PEX5L: variants seen among roughly 807,000 people sequenced by gnomAD.
PEX5L encodes the protein peroxisomal biogenesis factor 5 like.
In PEX5L, 30 loss-of-function variants were observed where a neutral mutation model predicts 84.0. The observed-to-expected ratio is 0.36, with a 90% CI of 0.27 to 0.48. The LOEUF is 0.48. PEX5L is among the 20% of genes least tolerant of loss of function. The pLI, the probability that PEX5L is intolerant of heterozygous loss-of-function variation, is 0.99. For missense variants in PEX5L, 533 were observed against 754.6 expected, an observed-to-expected ratio of 0.71 and a Z score of 3.44; for synonymous variants, 270 against 283.1, an observed-to-expected ratio of 0.95 and a Z score of 0.46.
chr3:179,913,925 T>A (rs1290642127), intron 2 of PEX5L, among the ~76,000 whole-genome samples: 1 of 152,228 alleles, frequency 6.6e-6, no homozygotes, highest in Non-Finnish European at 1.5e-5. Flanking sequence ...AACATTTTTA[T>A]CTCTTTCTCC....
At chr3:180,001,303 A>G (rs1225137773) in intron 1 of PEX5L, among the ~76,000 whole-genome samples, 1 of 149,500 alleles carries the variant, frequency 6.7e-6, no homozygotes, top group Non-Finnish European at 1.5e-5. Flanking sequence ...TTAATACTTA[A>G]TAAACTCCCC....
chr3:179,938,708 C>G (rs930845619), intron 2 of PEX5L, among the ~76,000 whole-genome samples: 1 of 152,206 alleles, frequency 6.6e-6, no homozygotes. Context: ...TGAATGTTGG[C>G]TATAACCTGT....
intron 2 of PEX5L, among the ~76,000 whole-genome samples, chr3:179,904,953 T>C (rs1409872056): frequency 6.6e-6 from 1 of 152,194 alleles, no homozygotes; most frequent in Admixed American, 6.5e-5. Flanking sequence ...CCTGCCCTAA[T>C]AGCCCCTTTG....
chr3:179,868,179 C>A (rs1577829023), intron 7 of PEX5L, among the ~76,000 whole-genome samples: 1 of 151,296 alleles, frequency 6.6e-6, no homozygotes, highest in Non-Finnish European at 1.5e-5. Context: ...CGCACCCAGC[C>A]CAATAACAAA....
At chr3:179,937,610 TG>T (rs1223000755) in intron 2 of PEX5L, among the ~76,000 whole-genome samples, 1 of 152,150 alleles carries the variant, frequency 6.6e-6, no homozygotes, top group African/African-American at 2.4e-5. Context: ...ACCTAGGCTT[TG>T]GGGTTTCCCT....
chr3:179,850,022 A>G (rs1741166129), intron 8 of PEX5L, among the ~76,000 whole-genome samples: 1 of 152,224 alleles, frequency 6.6e-6, no homozygotes, highest in African/African-American at 2.4e-5. Flanking sequence ...TGATATGGCA[A>G]CTACCCATAA....
intron 2 of PEX5L, among the ~76,000 whole-genome samples, chr3:179,933,183 G>A (rs1195915332): frequency 6.6e-6 from 1 of 152,050 alleles, no homozygotes; most frequent in Non-Finnish European, 1.5e-5. Context: ...CATATATCTT[G>A]AATTGTTTTT....
chr3:179,854,317 C>A (rs1577638389), intron 8 of PEX5L, among the ~76,000 whole-genome samples: 1 of 151,902 alleles, frequency 6.6e-6, no homozygotes, highest in African/African-American at 2.4e-5. Flanking sequence ...TTTTAGTTGT[C>A]TTTTCTCCAA....
chr3:179,906,802 C>T (rs1763380426), intron 2 of PEX5L, among the ~76,000 whole-genome samples: 1 of 152,008 alleles, frequency 6.6e-6, no homozygotes, highest in African/African-American at 2.4e-5. Flanking sequence ...CCCTGCCTCC[C>T]CAAATATAAG....
At position 179,849,443 on chromosome 3, in the gene PEX5L, C is replaced by G. The variant is rs1421634448; in HGVS notation, c.822+9619G>C. On this transcript the variant is annotated intron_variant, in intron 8 of 14. Transcript: ENST00000467460. The stretch of plus-strand genomic sequence containing the variant: ...AATTTAATTTCAACCACGCATTTTA[C>G]TAATGAAAAAGCTGCGGCCCAAATG... Among the ~76,000 whole-genome samples the G allele has an allele frequency of 2.6e-5, 4 of 152,314 alleles. No individual in the cohort carries two copies. The South Asian group carries it at 8.3e-4, about 32-fold the overall frequency.
intron 7 of PEX5L, among the ~76,000 whole-genome samples, chr3:179,866,081 G>A (rs1748019707): frequency 1.3e-5 from 2 of 152,132 alleles, no homozygotes; most frequent in South Asian, 2.1e-4. Flanking sequence ...AAAGAAGAAA[G>A]CATTAAGTTC....
chr3:180,033,812 G>C (rs1051704002), intron 1 of PEX5L, among the ~76,000 whole-genome samples: 2 of 152,146 alleles, frequency 1.3e-5, no homozygotes, highest in African/African-American at 4.8e-5. Context: ...AAGGCAGCTG[G>C]ATAAAAACAT....
chr3:179,850,793 A>C (rs1741536231), intron 8 of PEX5L, among the ~76,000 whole-genome samples: 1 of 152,214 alleles, frequency 6.6e-6, no homozygotes, highest in Non-Finnish European at 1.5e-5. Flanking sequence ...AGAATGGTTT[A>C]AGGAATGTTT....
At position 180,033,857 on chromosome 3, in the gene PEX5L, C is replaced by T. The variant is rs538214360; in HGVS notation, c.21+2722G>A. 4.6e-5 allele frequency among the ~76,000 whole-genome samples: 7 copies of T among 152,308 alleles called. No homozygotes were observed. In the East Asian group the frequency reaches 7.7e-4, roughly 17 times the overall value. ...ACCCTGCTCCTAAGAAATATACCTGCGGCTTTTACTATGAAACCAAGAAAT... is the reference window on the plus strand; with the variant it reads ...ACCCTGCTCCTAAGAAATATACCTGTGGCTTTTACTATGAAACCAAGAAAT... On this transcript the variant is annotated intron_variant, in intron 1 of 14. Coordinates refer to ENST00000467460, the MANE Select transcript of PEX5L (RefSeq NM_016559.3).
At chr3:179,813,016 A>G (rs1724492046) in intron 10 of PEX5L, among the ~76,000 whole-genome samples, 2 of 152,154 alleles carry the variant, frequency 1.3e-5, no homozygotes, top group Non-Finnish European at 2.9e-5. Flanking sequence ...TACCTTATAA[A>G]CTCATAAAAA....
intron 2 of PEX5L, among the ~76,000 whole-genome samples, chr3:179,913,117 A>C (rs1311978038): frequency 6.6e-6 from 1 of 152,148 alleles, no homozygotes; most frequent in Non-Finnish European, 1.5e-5. Flanking sequence ...GCTAATTAGA[A>C]TAGCCAAATG....
chr3:179,939,708 A>G (rs1262757086), intron 2 of PEX5L, among the ~76,000 whole-genome samples: 1 of 152,200 alleles, frequency 6.6e-6, no homozygotes, highest in East Asian at 1.9e-4. Flanking sequence ...AAGTGCCTCA[A>G]TTAGCATGTT....
At chr3:179,974,863 AT>A (rs1399035152) in intron 1 of PEX5L, among the ~76,000 whole-genome samples, 1 of 152,146 alleles carries the variant, frequency 6.6e-6, no homozygotes, top group Admixed American at 6.5e-5. Context: ...AGGTGAGTTT[AT>A]TTTAATTAAA....
At chr3:179,887,613 G>T in intron 4 of PEX5L, 60 bp downstream of exon 4, 1 of 1,045,602 alleles carries the variant, frequency 9.6e-7, no homozygotes, top group Non-Finnish European at 1.5e-6. Context: ...GAAAAAATGT[G>T]CATTTTACTA....
Sources: gnomAD v4.1 joint callset for allele counts (sites outside exome capture counted in the v4.1 genomes callset) on GRCh38, gnomAD v4.1.1 for gene constraint, MANE v1.5 for transcripts, NCBI Gene and HGNC (gene_info 2026-07-23, HGNC 2026-07-21) for gene names.